ACSL3: variants seen among roughly 807,000 people sequenced by gnomAD.
ACSL3 encodes the protein fatty acid CoA ligase Acsl3.
Under a neutral mutation model 84.7 loss-of-function variants are expected in ACSL3, and 34 were observed. That is an observed-to-expected ratio of 0.40 (90% confidence interval 0.31 to 0.53). The LOEUF is 0.53. ACSL3 is among the 20% of genes least tolerant of loss of function. The pLI is 0.48. For synonymous variants in ACSL3, 315 were observed against 299.4 expected (o/e 1.05, Z -0.54); for missense variants, 680 against 873.1 (o/e 0.78, Z 2.79).
At position 222,883,104 on chromosome 2, in the gene ACSL3, G is replaced by T. The variant is rs987545064; in HGVS notation, c.-206-4726G>T. Among the ~76,000 whole-genome samples, 4 of 149,724 alleles carry T rather than the reference G, an allele frequency of 2.7e-5. No individual in the cohort carries two copies. The East Asian group carries it at 5.9e-4, about 22-fold the overall frequency. Reference sequence around the variant, plus strand: ...TTTTAATAGTACCTCCTTTTATTCTGATATGTATCCTTCTTTGTTGATCAG... The same window carrying T: ...TTTTAATAGTACCTCCTTTTATTCTTATATGTATCCTTCTTTGTTGATCAG... On this transcript the variant is annotated intron_variant, in intron 1 of 16. Coordinates refer to ENST00000357430, the MANE Select transcript of ACSL3 (RefSeq NM_004457.5).
In ACSL3 at chr2:222,942,605, T is replaced by C. The variant is rs4674729; in HGVS notation, c.*951T>C. On this transcript the variant is annotated 3_prime_UTR_variant, in exon 17 of 17. Coordinates refer to ENST00000357430, the MANE Select transcript of ACSL3 (RefSeq NM_004457.5). ...ATTAGTCATGGAAAATTATTCTATC[T>C]CAAAGTCTCCTTTTAGTCTAGATAA... is the stretch of plus-strand genomic sequence containing the variant. 180,354 of 199,458 alleles carry C rather than the reference T, an allele frequency of 0.9. 81,684 individuals carry two copies. The highest frequency in any genetic ancestry group is 0.98 in the East Asian group (12,269 of 12,502). The allele number at this position is 199,458 out of a possible 1,614,324, so 12.4% of individuals were successfully genotyped here.
At chr2:222,881,168 G>A (rs964782201) in intron 1 of ACSL3, among the ~76,000 whole-genome samples, 4 of 152,104 alleles carry the variant, frequency 2.6e-5, no homozygotes, top group African/African-American at 9.7e-5. Flanking sequence ...TTATTTCAGT[G>A]TATATGTTCA....
chr2:222,865,014 G>A (rs1695101913), intron 1 of ACSL3, among the ~76,000 whole-genome samples: 1 of 152,202 alleles, frequency 6.6e-6, no homozygotes, highest in South Asian at 2.1e-4. Flanking sequence ...ATGTGGCTCA[G>A]TCTTAATTTC....
At chr2:222,863,207 A>T (rs1442510276) in intron 1 of ACSL3, among the ~76,000 whole-genome samples, 1 of 152,226 alleles carries the variant, frequency 6.6e-6, no homozygotes, top group Non-Finnish European at 1.5e-5. Context: ...GATAGGTACG[A>T]TGAAGGAAAA....
At chr2:222,933,063 G>T in intron 14 of ACSL3, 103 bp from the exon 15 acceptor site, 3 of 625,794 alleles carry the variant, frequency 4.8e-6, no homozygotes, top group Non-Finnish European at 8.0e-6. Flanking sequence ...TAAATAATTT[G>T]ATAGCAAATT....
chr2:222,924,926 T>G (rs950861711), intron 11 of ACSL3, among the ~76,000 whole-genome samples: 4 of 151,482 alleles, frequency 2.6e-5, no homozygotes, highest in Non-Finnish European at 5.9e-5. Flanking sequence ...CTCAGGAGGC[T>G]GAGGCAGGAG....
intron 1 of ACSL3, among the ~76,000 whole-genome samples, chr2:222,863,360 G>T (rs747020381): frequency 6.6e-6 from 1 of 152,222 alleles, no homozygotes; most frequent in Non-Finnish European, 1.5e-5. Context: ...CATAATGCAA[G>T]AGTTTGGGAA....
intron 16 of ACSL3, among the ~76,000 whole-genome samples, chr2:222,935,983 T>C (rs901424590): frequency 1.3e-5 from 2 of 152,300 alleles, no homozygotes; most frequent in East Asian, 3.9e-4. Context: ...TTTTGATTAC[T>C]TGAGGTACTT....
chr2:222,901,964 A>AAAAAAAAAAAAAAAAAAAAAAAAAAAATG (rs57522671), intron 3 of ACSL3, among the ~76,000 whole-genome samples: 1 of 99,456 alleles, frequency 1.0e-5, no homozygotes, highest in Non-Finnish European at 1.8e-5. Flanking sequence ...AAAAAAAAAA[A>AAAAAAAAAAAAAAAAAAAAAAAAAAAATG]GAACTCAAAT....
intron 6 of ACSL3, 76 bp downstream of exon 6, chr2:222,918,231 A>G: frequency 1.1e-6 from 1 of 871,494 alleles, no homozygotes; most frequent in Non-Finnish European, 1.8e-6. Context: ...ATTGATACTT[A>G]GTTCTTTTAT....
intron 5 of ACSL3, 77 bp from the exon 6 acceptor site, chr2:222,917,969 T>G (rs1696629555): frequency 9.6e-7 from 1 of 1,045,554 alleles, no homozygotes; most frequent in Non-Finnish European, 1.5e-6. Flanking sequence ...GTTATTATGA[T>G]TCATCTCCAC....
At chr2:222,929,764 C>A (rs185843199) in intron 13 of ACSL3, among the ~76,000 whole-genome samples, 2 of 151,334 alleles carry the variant, frequency 1.3e-5, no homozygotes, top group Non-Finnish European at 2.9e-5. Flanking sequence ...GGTGACAGAG[C>A]GAAACTCTCA....
intron 1 of ACSL3, among the ~76,000 whole-genome samples, chr2:222,880,670 TAA>T (rs988728262): frequency 6.8e-6 from 1 of 147,904 alleles, no homozygotes; most frequent in Admixed American, 6.7e-5. Context: ...CTACTAAAAA[TAA>T]AAAAAAAATT....
chr2:222,934,473 T>C (rs1172263891), intron 15 of ACSL3, 57 bp from the exon 16 acceptor site: 2 of 1,357,056 alleles, frequency 1.5e-6, no homozygotes, highest in African/African-American at 1.5e-5. Context: ...TAATAATAAC[T>C]GCAGTCAACA....
intron 3 of ACSL3, among the ~76,000 whole-genome samples, chr2:222,902,332 C>T (rs1337363120): frequency 3.9e-5 from 6 of 152,170 alleles, no homozygotes; most frequent in Admixed American, 1.3e-4. Context: ...GTGATTTCAT[C>T]ACTATAAATT....
At chr2:222,866,939 A>G (rs1027410513) in intron 1 of ACSL3, among the ~76,000 whole-genome samples, 1 of 151,110 alleles carries the variant, frequency 6.6e-6, no homozygotes, top group South Asian at 2.1e-4. Flanking sequence ...GGTTCAAGCA[A>G]TTCTCCTGCC....
At position 222,918,207 on chromosome 2, in the gene ACSL3, T is replaced by G. The variant is rs374271611; in HGVS notation, c.666+52T>G. On this transcript the variant is annotated intron_variant, in intron 6 of 16. Transcript: ENST00000357430. Reference sequence around the variant, plus strand: ...GTCTGATACTTTAGAATTTTCAGTGTCATGAGCCCTATTATTGATACTTAG... The same window carrying G: ...GTCTGATACTTTAGAATTTTCAGTGGCATGAGCCCTATTATTGATACTTAG... 52 of 1,218,058 alleles carry G rather than the reference T, an allele frequency of 4.3e-5. No homozygotes were observed. The East Asian group carries it at 7.6e-4, about 18-fold the overall frequency. 75.5% of individuals were successfully genotyped at this position (1,218,058 alleles called of 1,614,324 possible).
At chr2:222,926,278 G>A (rs1432274455) in intron 11 of ACSL3, among the ~76,000 whole-genome samples, 2 of 152,210 alleles carry the variant, frequency 1.3e-5, no homozygotes, top group African/African-American at 4.8e-5. Flanking sequence ...AAGGGACTTA[G>A]GCATCTGAGG....
Position 222,909,040 on chromosome 2 carries a change from A to T in ACSL3, c.268A>T (p.Lys90Ter), listed in dbSNP as rs779508407. 1 of 1,613,362 alleles carries T rather than the reference A, an allele frequency of 6.2e-7. No individual in the cohort carries two copies. Among genetic ancestry groups the T allele is most frequent in the Non-Finnish European group, 8.5e-7 (1 of 1,179,730 alleles). Reference sequence around the variant, plus strand: ...ATACCCTGGATGTGATACTTTAGATAAAGTTTTTACATATGCAAAAAACAA... The same window carrying T: ...ATACCCTGGATGTGATACTTTAGATTAAGTTTTTACATATGCAAAAAACAA... Reference protein sequence around the residue: ...VLYPGCDTLDKVFTYAKNKFK... With the variant: ...VLYPGCDTLD Residue 90 changes from lysine (K) to a stop codon, truncating the protein, a stop_gained, in exon 4 of 17, where the codon AAA becomes TAA. Transcript: ENST00000357430. LOFTEE classifies it high-confidence loss of function.
Sources: allele counts gnomAD v4.1 joint callset (sites outside exome capture counted in the v4.1 genomes callset), GRCh38; gene constraint gnomAD v4.1.1; transcripts MANE v1.5; gene names NCBI Gene and HGNC (gene_info 2026-07-23, HGNC 2026-07-21).